Variants in TGFB2 observed in about 807,000 individuals in gnomAD.
TGFB2 encodes the protein transforming growth factor beta-2 proprotein.
A neutral mutation model predicts 42.7 loss-of-function variants in TGFB2; 13 were observed. The observed-to-expected ratio is 0.30, with a 90% confidence interval of 0.20 to 0.48. The LOEUF is 0.48. Among genes scored for constraint, TGFB2 ranks in the 20% least tolerant of loss-of-function variants. The pLI, the probability that TGFB2 is intolerant of heterozygous loss-of-function variation, is 0.99. For missense variants in TGFB2, 390 were observed against 517.5 expected, an observed-to-expected ratio of 0.75 and a Z score of 2.39; for synonymous variants, 193 against 193.6, an observed-to-expected ratio of 1.00 and a Z score of 0.03.
chr1:218,418,343 T>C (rs1571886910), intron 2 of TGFB2, among the ~76,000 whole-genome samples: 1 of 152,220 alleles, frequency 6.6e-6, no homozygotes, highest in Admixed American at 6.5e-5. Context: ...ATTTCAGACT[T>C]TCATGGGGCC....
At chr1:218,400,935 G>A (rs112030280) in intron 1 of TGFB2, among the ~76,000 whole-genome samples, 1 of 152,142 alleles carries the variant, frequency 6.6e-6, no homozygotes, top group African/African-American at 2.4e-5. Flanking sequence ...GGTGACAGGA[G>A]GTGGGATGGC....
chr1:218,433,476 G>A (rs1219903043), intron 2 of TGFB2, among the ~76,000 whole-genome samples: 2 of 152,128 alleles, frequency 1.3e-5, no homozygotes, highest in Non-Finnish European at 2.9e-5. Flanking sequence ...AGTCTGCAGG[G>A]GATGGAATAC....
chr1:218,426,753 A>T (rs1659636983), intron 2 of TGFB2, among the ~76,000 whole-genome samples: 1 of 152,182 alleles, frequency 6.6e-6, no homozygotes, highest in Non-Finnish European at 1.5e-5. Context: ...AGGAGAGAGA[A>T]ACAGAAAGAG....
chr1:218,443,815 T>C lies in TGFB2; in HGVS notation c.*2453T>C, dbSNP rs1274408699. ...TGGCAAGGAAGGGGTGAAGTGCTAG[T>C]ATGCAAGTGGGCAGCAATTATTTTT... On this transcript the variant is annotated 3_prime_UTR_variant, in exon 7 of 7. Transcript: ENST00000366930. 1 of 151,868 alleles carries C rather than the reference T, an allele frequency of 6.6e-6. No homozygotes were observed. Among genetic ancestry groups the C allele is most frequent in the Non-Finnish European group, 1.5e-5 (1 of 67,946 alleles). The allele number at this position is 151,868 out of a possible 1,614,324, so 9.4% of individuals were successfully genotyped here. A position where few individuals can be genotyped will look rare whatever the true frequency, so the allele number is the denominator to read the frequency against.
At chr1:218,382,818 C>A (rs1658007519) in intron 1 of TGFB2, among the ~76,000 whole-genome samples, 1 of 152,146 alleles carries the variant, frequency 6.6e-6, no homozygotes, top group South Asian at 2.1e-4. Context: ...CTTCTGCTCC[C>A]AACACAATCA....
intron 3 of TGFB2, 59 bp downstream of exon 3, chr1:218,434,273 A>G (rs776899072): frequency 6.2e-7 from 1 of 1,611,768 alleles, no homozygotes; most frequent in Non-Finnish European, 8.5e-7. Context: ...GTTACTTTAA[A>G]TTGATTGCAG....
chr1:218,382,282 C>CT (rs1657990969), intron 1 of TGFB2, among the ~76,000 whole-genome samples: 2 of 152,158 alleles, frequency 1.3e-5, no homozygotes, highest in African/African-American at 4.8e-5. Context: ...TCTTAATCAG[C>CT]TACTGGTACC....
At chr1:218,406,420 A>C (rs1178640162) in intron 2 of TGFB2, among the ~76,000 whole-genome samples, 2 of 152,188 alleles carry the variant, frequency 1.3e-5, no homozygotes, top group African/African-American at 2.4e-5. Context: ...GGCTGTGAGA[A>C]ATGTAGAATC....
chr1:218,373,760 T>C (rs192331027), intron 1 of TGFB2, among the ~76,000 whole-genome samples: 7 of 152,228 alleles, frequency 4.6e-5, no homozygotes, highest in Middle Eastern at 3.4e-3. Context: ...AAAAGGAGAA[T>C]CCTCTGAGTG....
intron 1 of TGFB2, among the ~76,000 whole-genome samples, chr1:218,374,265 G>A (rs570635452): frequency 5.9e-5 from 9 of 152,326 alleles, no homozygotes; most frequent in African/African-American, 1.7e-4. Flanking sequence ...CTATCAATAA[G>A]CAGGATCCTG....
intron 1 of TGFB2, among the ~76,000 whole-genome samples, chr1:218,355,066 C>T (rs1656989805): frequency 6.6e-6 from 1 of 152,158 alleles, no homozygotes; most frequent in Admixed American, 6.5e-5. Context: ...CCACGCCCAG[C>T]TAATTTTTGT....
At chr1:218,378,472 C>T (rs1432567528) in intron 1 of TGFB2, among the ~76,000 whole-genome samples, 1 of 152,150 alleles carries the variant, frequency 6.6e-6, no homozygotes, top group Non-Finnish European at 1.5e-5. Flanking sequence ...CTACTGCACC[C>T]GGCCATTTTT....
At chr1:218,354,915 G>GTT (rs1291528558) in intron 1 of TGFB2, among the ~76,000 whole-genome samples, 6 of 152,208 alleles carry the variant, frequency 3.9e-5, no homozygotes, top group African/African-American at 1.4e-4. Flanking sequence ...CTGTTTGTTT[G>GTT]TTTGTGAGAC....
At chr1:218,400,964 GC>G (rs1288383100) in intron 1 of TGFB2, among the ~76,000 whole-genome samples, 2 of 152,142 alleles carry the variant, frequency 1.3e-5, no homozygotes, top group Non-Finnish European at 2.9e-5. Context: ...GAGGTCCCCA[GC>G]CCTCTGTGCA....
chr1:218,385,455 C>A (rs554836135), intron 1 of TGFB2, among the ~76,000 whole-genome samples: 1 of 152,208 alleles, frequency 6.6e-6, no homozygotes, highest in Non-Finnish European at 1.5e-5. Flanking sequence ...CAAAGTAACA[C>A]GACTTCAGAG....
At chr1:218,423,814 G>A (rs527789511) in intron 2 of TGFB2, among the ~76,000 whole-genome samples, 4 of 152,188 alleles carry the variant, frequency 2.6e-5, no homozygotes, top group Non-Finnish European at 5.9e-5. Flanking sequence ...ACCAGGCAAT[G>A]TGACTGATGC....
At chr1:218,351,235 G>A (rs1656858733) in intron 1 of TGFB2, among the ~76,000 whole-genome samples, 1 of 152,110 alleles carries the variant, frequency 6.6e-6, no homozygotes, top group Non-Finnish European at 1.5e-5. Context: ...GAACGTAGTG[G>A]TATTTTTGCT....
At chr1:218,364,950 C>T (rs190658670) in intron 1 of TGFB2, among the ~76,000 whole-genome samples, 5 of 152,174 alleles carry the variant, frequency 3.3e-5, no homozygotes, top group Admixed American at 3.3e-4. Flanking sequence ...CTGATTTTTT[C>T]CCCCTAGCTA....
At chr1:218,411,790 G>A (rs936437587) in intron 2 of TGFB2, among the ~76,000 whole-genome samples, 5 of 150,812 alleles carry the variant, frequency 3.3e-5, no homozygotes, top group East Asian at 2.0e-4. Context: ...GCTTGAACCC[G>A]GGAGGTGGAG....
Sources: gnomAD v4.1 joint callset for allele counts (sites outside exome capture counted in the v4.1 genomes callset) on GRCh38, gnomAD v4.1.1 for gene constraint, MANE v1.5 for transcripts, NCBI Gene and HGNC (gene_info 2026-07-23, HGNC 2026-07-21) for gene names.